SLC22A23: variants seen among roughly 807,000 people sequenced by gnomAD.
SLC22A23 encodes ion transporter protein.
SLC22A23 carries 26 observed loss-of-function variants against 61.0 expected under a neutral mutation model. That is an observed-to-expected ratio of 0.43 (90% CI 0.31 to 0.59). The LOEUF (loss-of-function observed/expected upper bound fraction) is 0.59. Among genes scored for constraint, SLC22A23 ranks in the 20% least tolerant of loss-of-function variants. SLC22A23 has a pLI of 0.11. For missense variants in SLC22A23, 796 were observed against 934.7 expected (o/e 0.85, Z 1.94); for synonymous variants, 430 against 413.9 (o/e 1.04, Z -0.47).
chr6:3,450,733 T>A (rs977334458), intron 1 of SLC22A23, among the ~76,000 whole-genome samples: 3 of 152,226 alleles, frequency 2.0e-5, no homozygotes, highest in Non-Finnish European at 4.4e-5. Context: ...GTAGATTCCA[T>A]TAAATAAACA....
At chr6:3,378,611 C>T (rs1481089542) in intron 3 of SLC22A23, among the ~76,000 whole-genome samples, 2 of 151,502 alleles carry the variant, frequency 1.3e-5, no homozygotes, top group Non-Finnish European at 2.9e-5. Context: ...TTAGATATGC[C>T]TCTGAACCTC....
chr6:3,396,835 C>T (rs993935531), intron 3 of SLC22A23, among the ~76,000 whole-genome samples: 3 of 152,206 alleles, frequency 2.0e-5, no homozygotes, highest in South Asian at 2.1e-4. Context: ...CAACTACTTC[C>T]GCTCAATAAA....
intron 5 of SLC22A23, among the ~76,000 whole-genome samples, chr6:3,296,964 C>T (rs1292704987): frequency 6.6e-6 from 1 of 152,220 alleles, no homozygotes; most frequent in Non-Finnish European, 1.5e-5. Context: ...CATTCTCCCA[C>T]CTCACTCAGG....
chr6:3,329,361 G>A lies in SLC22A23; in HGVS notation c.914-5359C>T, dbSNP rs1763456108. On this transcript the variant is annotated intron_variant, in intron 3 of 9. Transcript: ENST00000406686. The surrounding 1 kb of genome is among the most constrained non-coding windows in gnomAD (Gnocchi z 4.8). Reference sequence around the variant, plus strand: ...AAACTCTTGAATGCTTATGACCATAGAGAGAATATACATTTTCTTGGGATT... The same window carrying A: ...AAACTCTTGAATGCTTATGACCATAAAGAGAATATACATTTTCTTGGGATT... Among the ~76,000 whole-genome samples the A allele has an allele frequency of 6.6e-6, 1 of 152,176 alleles. No homozygotes were observed. The highest frequency in any genetic ancestry group is 2.1e-4 in the South Asian group (1 of 4,828).
At chr6:3,343,471 A>ACG (rs936421579) in intron 3 of SLC22A23, among the ~76,000 whole-genome samples, 3 of 151,560 alleles carry the variant, frequency 2.0e-5, no homozygotes, top group African/African-American at 7.3e-5. Context: ...ACACACACAC[A>ACG]CGCACACACA....
chr6:3,332,588 C>T (rs1216307212), intron 3 of SLC22A23, among the ~76,000 whole-genome samples: 1 of 152,118 alleles, frequency 6.6e-6, no homozygotes, highest in Non-Finnish European at 1.5e-5. Context: ...GCCTCTTTCC[C>T]TCTCTTCTCT....
intron 3 of SLC22A23, among the ~76,000 whole-genome samples, chr6:3,399,511 A>G (rs926840454): frequency 2.6e-5 from 4 of 152,246 alleles, no homozygotes; most frequent in Admixed American, 1.3e-4. Flanking sequence ...GAAGGAAGGC[A>G]GTGAAACTTT....
At chr6:3,296,485 G>C (rs59207405) in intron 5 of SLC22A23, among the ~76,000 whole-genome samples, 3 of 152,186 alleles carry the variant, frequency 2.0e-5, no homozygotes, top group Middle Eastern at 3.2e-3. Flanking sequence ...AATAATACAC[G>C]TGAAGCACTT....
Position 3,355,661 on chromosome 6 carries a change from GGCCACTTGAT to G in SLC22A23, c.914-31669_914-31660del, listed in dbSNP as rs747244940. Among the ~76,000 whole-genome samples, 8 of 152,074 alleles carry G rather than the reference GGCCACTTGAT, an allele frequency of 5.3e-5. 1 individual carries two copies. Among genetic ancestry groups the G allele is most frequent in the Non-Finnish European group, 7.4e-5 (5 of 68,022 alleles). Reference sequence around the variant, plus strand: ...GCCCCACTCCCAGGCTCCAGAGCTAGGCCACTTGATGCCTGGTCAGTCCTTTCTGTGCCTT... The same window carrying G: ...GCCCCACTCCCAGGCTCCAGAGCTAGGCCTGGTCAGTCCTTTCTGTGCCTT... On this transcript the variant is annotated intron_variant, in intron 3 of 9. Coordinates refer to ENST00000406686, the MANE Select transcript of SLC22A23 (RefSeq NM_015482.2).
At chr6:3,276,615 AGCTCTGTCTGGT>A (rs896671602) in intron 9 of SLC22A23, 2 of 152,444 alleles carry the variant, frequency 1.3e-5, no homozygotes, top group African/African-American at 2.4e-5. Flanking sequence ...GGGGTCCCTC[AGCTCTGTCTGGT>A]GCTCGCTCTG....
At chr6:3,442,608 C>T (rs1229148357) in intron 1 of SLC22A23, among the ~76,000 whole-genome samples, 1 of 152,164 alleles carries the variant, frequency 6.6e-6, no homozygotes, top group Non-Finnish European at 1.5e-5. Flanking sequence ...TTCATCTAAT[C>T]TGGGAGGAAA....
intron 8 of SLC22A23, chr6:3,284,821 G>A: frequency 7.7e-7 from 1 of 1,304,356 alleles, no homozygotes; most frequent in Non-Finnish European, 1.1e-6. Context: ...GCTGAGCCTG[G>A]TGCCAGGGGA....
At chr6:3,277,979 C>T (rs759190807) in intron 9 of SLC22A23, among the ~76,000 whole-genome samples, 5 of 152,236 alleles carry the variant, frequency 3.3e-5, no homozygotes, top group Non-Finnish European at 7.3e-5. Flanking sequence ...GGAGCTGAGG[C>T]TGCCAGCCCC....
chr6:3,362,416 ATAAAATAAAAAAT>A lies in SLC22A23; in HGVS notation c.914-38427_914-38415del, dbSNP rs1450437397. Among the ~76,000 whole-genome samples the A allele has an allele frequency of 1.2e-3, 137 of 116,422 alleles. 34 individuals carry two copies. The highest frequency in any genetic ancestry group is 1.7e-3 in the Non-Finnish European group (93 of 56,040). 76.4% of individuals were successfully genotyped at this position (116,422 alleles called of 152,430 possible). On this transcript the variant is annotated intron_variant, in intron 3 of 9. Transcript: ENST00000406686. ...AGATTCCGTCTCACAAAAAAAAAAAATAAAATAAAAAATAAAAAATAAAAATTAGCATGCATTT... is the reference window on the plus strand; with the variant it reads ...AGATTCCGTCTCACAAAAAAAAAAAAAAAAAATAAAAATTAGCATGCATTT...
chr6:3,377,099 C>G (rs1032178439), intron 3 of SLC22A23, among the ~76,000 whole-genome samples: 1 of 152,102 alleles, frequency 6.6e-6, no homozygotes, highest in Non-Finnish European at 1.5e-5. Flanking sequence ...ATTTGGCCCA[C>G]TGCCTGTTTT....
intron 3 of SLC22A23, among the ~76,000 whole-genome samples, chr6:3,393,240 A>C (rs1767782258): frequency 6.6e-6 from 1 of 152,222 alleles, no homozygotes; most frequent in Non-Finnish European, 1.5e-5. Context: ...GCAAGGCCCC[A>C]GAGACAATGC....
chr6:3,410,350 T>C lies in SLC22A23; in HGVS notation c.759-8A>G. 5 of 1,585,084 alleles carry C rather than the reference T, an allele frequency of 3.2e-6. No homozygotes were observed. Among genetic ancestry groups the C allele is most frequent in the Non-Finnish European group, 4.3e-6 (5 of 1,166,548 alleles). ...ACAGGCCGCCGGCCGACCCTGCATA[T>C]GGAGAGGGAAAAAGTTAGGAATCAT... On this transcript the variant is annotated splice_region_variant and splice_polypyrimidine_tract_variant and intron_variant, in intron 2 of 9. Coordinates refer to ENST00000406686, the MANE Select transcript of SLC22A23 (RefSeq NM_015482.2). The surrounding 1 kb of genome is among the most constrained non-coding windows in gnomAD (Gnocchi z 5.0).
intron 4 of SLC22A23, among the ~76,000 whole-genome samples, chr6:3,315,327 T>A (rs1762576112): frequency 6.6e-6 from 1 of 152,198 alleles, no homozygotes; most frequent in Non-Finnish European, 1.5e-5. Flanking sequence ...AACACTGCCG[T>A]GACTGAAGAC....
At chr6:3,378,405 T>A (rs1766720855) in intron 3 of SLC22A23, among the ~76,000 whole-genome samples, 1 of 152,196 alleles carries the variant, frequency 6.6e-6, no homozygotes, top group African/African-American at 2.4e-5. Context: ...AGGGTATTTT[T>A]AAAACTTTTT....
Sources: allele counts gnomAD v4.1 joint callset (sites outside exome capture counted in the v4.1 genomes callset), GRCh38; gene constraint gnomAD v4.1.1; non-coding constraint Gnocchi (gnomAD v3.1); transcripts MANE v1.5; gene names NCBI Gene and HGNC (gene_info 2026-07-23, HGNC 2026-07-21).